The following SKAP2 variants were observed in gnomAD, a reference collection of about 807,000 sequenced individuals.
SKAP2 encodes the protein src kinase-associated phosphoprotein 2.
SKAP2 carries 28 observed loss-of-function variants against 54.9 expected under a neutral mutation model. The observed-to-expected ratio is 0.51, with a 90% CI of 0.38 to 0.70. The LOEUF (loss-of-function observed/expected upper bound fraction) is 0.70, where lower values mean the gene tolerates loss of function less well. Ranked by LOEUF, SKAP2 falls within the 30% of genes least tolerant of loss-of-function variation. SKAP2 has a pLI of 0.00. For synonymous variants in SKAP2, 137 were observed against 134.3 expected, an observed-to-expected ratio of 1.02 and a Z score of -0.14; for missense variants, 356 against 424.1, an observed-to-expected ratio of 0.84 and a Z score of 1.41.
At chr7:26,776,480 T>C (rs1783310322) in intron 4 of SKAP2, among the ~76,000 whole-genome samples, 1 of 152,122 alleles carries the variant, frequency 6.6e-6, no homozygotes, top group Non-Finnish European at 1.5e-5. Context: ...CTTTCCTTCC[T>C]ATAATCTCTA....
Position 26,844,246 on chromosome 7 carries a change from A to G in SKAP2, c.200-109T>C, listed in dbSNP as rs1489054252. 4.6e-6 allele frequency: 3 copies of G among 645,792 alleles called. No homozygotes were observed. In the East Asian group the frequency reaches 7.9e-5, roughly 17 times the overall value. 40.0% of individuals were successfully genotyped at this position (645,792 alleles called of 1,614,324 possible). On this transcript the variant is annotated intron_variant, in intron 3 of 12. Transcript: ENST00000345317. The stretch of plus-strand genomic sequence containing the variant: ...GTTAGAAGAGGTAAATTCTACTAGT[A>G]AATTGAGTCATTGTCATGGAAAAAC...
At chr7:26,787,122 C>T (rs184892816) in intron 4 of SKAP2, among the ~76,000 whole-genome samples, 85 of 152,260 alleles carry the variant, frequency 5.6e-4, no homozygotes, top group African/African-American at 1.8e-3. Flanking sequence ...CTAAGGTCTT[C>T]GTTTGACTTC....
At chr7:26,808,867 C>A (rs1186846586) in intron 4 of SKAP2, among the ~76,000 whole-genome samples, 1 of 152,186 alleles carries the variant, frequency 6.6e-6, no homozygotes, top group Non-Finnish European at 1.5e-5. Flanking sequence ...AGAAGAGAAG[C>A]TCCATGATGT....
In SKAP2 at chr7:26,668,662, G is replaced by GTTTTTTTTTT. The variant is rs369317261; in HGVS notation, c.*994_*1003dup. 8.1e-6 allele frequency: 1 copy of GTTTTTTTTTT among 122,958 alleles called. No individual in the cohort carries two copies. 7.6% of individuals were successfully genotyped at this position (122,958 alleles called of 1,614,324 possible). A position where few individuals can be genotyped will look rare whatever the true frequency, so the allele number is the denominator to read the frequency against. On this transcript the variant is annotated 3_prime_UTR_variant, in exon 13 of 13. Transcript: ENST00000345317. ...TACTTTGAGAATACACTGAGATTCT[G>GTTTTTTTTTT]TTTTTTTTTTTTTTTTTTTCTGAGA...
At chr7:26,798,885 A>C (rs781056473) in intron 4 of SKAP2, among the ~76,000 whole-genome samples, 2 of 152,214 alleles carry the variant, frequency 1.3e-5, no homozygotes, top group Non-Finnish European at 2.9e-5. Flanking sequence ...TGCAAGCCTC[A>C]CAGTAACTTC....
chr7:26,657,248 C>T, the SKAP2 span, among the ~76,000 whole-genome samples: 1 of 152,188 alleles, frequency 6.6e-6, no homozygotes, highest in South Asian at 2.1e-4. Context: ...TGTTTTTCTT[C>T]CCCTGTGAGG....
At chr7:26,803,647 T>C (rs780647006) in intron 4 of SKAP2, among the ~76,000 whole-genome samples, 3 of 152,190 alleles carry the variant, frequency 2.0e-5, no homozygotes, top group Non-Finnish European at 2.9e-5. Context: ...GAAATCAGTA[T>C]ACTGAAGAGA....
intron 3 of SKAP2, among the ~76,000 whole-genome samples, chr7:26,845,627 C>G (rs1189236105): frequency 6.6e-6 from 1 of 152,172 alleles, no homozygotes; most frequent in Non-Finnish European, 1.5e-5. Flanking sequence ...TACAATATTT[C>G]TCTTATGAAA....
intron 4 of SKAP2, among the ~76,000 whole-genome samples, chr7:26,777,230 A>T (rs985088157): frequency 1.3e-5 from 2 of 152,126 alleles, no homozygotes; most frequent in Non-Finnish European, 2.9e-5. Flanking sequence ...ACACTCAAAT[A>T]CCCTCCTGAA....
At chr7:26,802,364 C>T (rs866300219) in intron 4 of SKAP2, among the ~76,000 whole-genome samples, 4 of 151,322 alleles carry the variant, frequency 2.6e-5, no homozygotes, top group Middle Eastern at 3.4e-3. Flanking sequence ...CTCCGCCTCC[C>T]GAGTTCAAGC....
At chr7:26,696,707 G>A (rs757107886) in intron 9 of SKAP2, among the ~76,000 whole-genome samples, 3 of 150,522 alleles carry the variant, frequency 2.0e-5, no homozygotes, top group Non-Finnish European at 4.4e-5. Flanking sequence ...ATATGAAAAG[G>A]TTATCACTAC....
At chr7:26,754,408 A>C (rs963313423) in intron 4 of SKAP2, among the ~76,000 whole-genome samples, 22 of 151,928 alleles carry the variant, frequency 1.4e-4, no homozygotes, top group Non-Finnish European at 3.2e-4. Context: ...GTGAAAAAAA[A>C]AAAAAAACCC....
intron 4 of SKAP2, among the ~76,000 whole-genome samples, chr7:26,816,660 G>A (rs1192111305): frequency 6.6e-6 from 1 of 151,990 alleles, no homozygotes; most frequent in African/African-American, 2.4e-5. Flanking sequence ...TACACTAAGA[G>A]ATGGCCTTTG....
chr7:26,857,598 G>A (rs1354450528), intron 1 of SKAP2: 2 of 985,364 alleles, frequency 2.0e-6, no homozygotes, highest in Non-Finnish European at 2.4e-6. Flanking sequence ...AGAAGTTGTA[G>A]GGCTGCGAGA....
intron 4 of SKAP2, among the ~76,000 whole-genome samples, chr7:26,773,109 C>G (rs927330414): frequency 3.3e-5 from 5 of 152,172 alleles, no homozygotes; most frequent in African/African-American, 1.2e-4. Context: ...TTTAAACTCC[C>G]TGAAACAAAT....
chr7:26,793,003 A>AT (rs1407359323), intron 4 of SKAP2, among the ~76,000 whole-genome samples: 1 of 152,182 alleles, frequency 6.6e-6, no homozygotes, highest in Non-Finnish European at 1.5e-5. Context: ...TTTCTTCATG[A>AT]TTTTTCCCTT....
downstream of SKAP2, among the ~76,000 whole-genome samples, chr7:26,664,544 C>T (rs546328022): frequency 7.2e-5 from 11 of 152,008 alleles, no homozygotes; most frequent in Admixed American, 7.2e-4. Context: ...TTTGAGAGTA[C>T]CTGTGTGACA....
chr7:26,766,265 C>A (rs1246475157), intron 4 of SKAP2, among the ~76,000 whole-genome samples: 1 of 152,094 alleles, frequency 6.6e-6, no homozygotes, highest in Non-Finnish European at 1.5e-5. Context: ...TGATTTGGCT[C>A]TCTGTTTGTC....
intron 6 of SKAP2, among the ~76,000 whole-genome samples, chr7:26,733,275 T>C (rs1451065553): frequency 6.6e-6 from 1 of 152,088 alleles, no homozygotes; most frequent in Non-Finnish European, 1.5e-5. Flanking sequence ...ATCCTTCACA[T>C]ACCAGATGGA....
Sources: allele counts gnomAD v4.1 joint callset (sites outside exome capture counted in the v4.1 genomes callset), GRCh38; gene constraint gnomAD v4.1.1; transcripts MANE v1.5; gene names NCBI Gene and HGNC (gene_info 2026-07-23, HGNC 2026-07-21).